RBFOX1: variants seen among roughly 807,000 people sequenced by gnomAD.
RBFOX1 encodes RNA binding protein fox-1 homolog 1.
Under a neutral mutation model 57.7 loss-of-function variants are expected in RBFOX1, and 8 were observed. The observed-to-expected ratio is 0.14, with a 90% CI of 0.08 to 0.25. The LOEUF (loss-of-function observed/expected upper bound fraction) is 0.25, where lower values mean the gene tolerates loss of function less well. Ranked by LOEUF, RBFOX1 falls within the 10% of genes least tolerant of loss-of-function variation. The pLI, the probability that RBFOX1 is intolerant of heterozygous loss-of-function variation, is 1.00. For missense variants in RBFOX1, 611 were observed against 548.5 expected, an observed-to-expected ratio of 1.11 and a Z score of -1.14; for synonymous variants, 326 against 222.4, an observed-to-expected ratio of 1.47 and a Z score of -4.15.
intron 3 of RBFOX1, among the ~76,000 whole-genome samples, chr16:5,672,851 G>A (rs1033917351): frequency 1.6e-4 from 11 of 70,636 alleles, no homozygotes; most frequent in East Asian, 1.3e-3. Flanking sequence ...ATCCTTCACC[G>A]TAGGTGTGTG....
Position 7,557,786 on chromosome 16 carries a change from G to C in RBFOX1, c.271-21991G>C, listed in dbSNP as rs926591346. Among the ~76,000 whole-genome samples the C allele has an allele frequency of 2.0e-5, 3 of 152,160 alleles. No homozygotes were observed. In the South Asian group the frequency reaches 6.2e-4, roughly 32 times the overall value. ...GTAAATGCTTAACAACTAGCTTGGT[G>C]GGGGAAGGAGCGGGAGAGGGCTCCA... On this transcript the variant is annotated intron_variant, in intron 5 of 15. Coordinates refer to ENST00000550418, the MANE Select transcript of RBFOX1 (RefSeq NM_018723.4).
chr16:6,793,470 G>A (rs951402018), intron 3 of RBFOX1, among the ~76,000 whole-genome samples: 2 of 152,124 alleles, frequency 1.3e-5, no homozygotes, highest in Non-Finnish European at 2.9e-5. Flanking sequence ...CAGTGTCTCA[G>A]TGGACATTGT....
chr16:5,820,923 C>CA (rs2055828222), intron 3 of RBFOX1, among the ~76,000 whole-genome samples: 1 of 152,178 alleles, frequency 6.6e-6, no homozygotes, highest in Non-Finnish European at 1.5e-5. Flanking sequence ...CACAATGCCA[C>CA]ACGTTTAAGG....
intron 3 of RBFOX1, among the ~76,000 whole-genome samples, chr16:7,041,067 C>T (rs1021902218): frequency 1.1e-4 from 16 of 148,780 alleles, no homozygotes; most frequent in African/African-American, 4.0e-4. Flanking sequence ...AGGCAAGTGC[C>T]AACACGCCCA....
intron 1 of RBFOX1, among the ~76,000 whole-genome samples, chr16:5,320,718 G>T (rs552270639): frequency 6.6e-6 from 1 of 152,204 alleles, no homozygotes; most frequent in Non-Finnish European, 1.5e-5. Flanking sequence ...TCAGGAGGTG[G>T]CTTGGAGTCT....
At chr16:7,051,522 C>G (rs7205495) in intron 3 of RBFOX1, among the ~76,000 whole-genome samples, 80,611 of 152,092 alleles carry the variant, frequency 0.53, 23,433 homozygotes, top group South Asian at 0.76. Flanking sequence ...ATTGGCTTCA[C>G]AATTCTCCCC....
chr16:5,711,193 T>C (rs1032292836), intron 3 of RBFOX1, among the ~76,000 whole-genome samples: 3 of 152,246 alleles, frequency 2.0e-5, no homozygotes, highest in African/African-American at 7.2e-5. Context: ...GCCCTGTGCA[T>C]GCCATGATTC....
At chr16:7,478,288 A>T (rs975306485) in intron 4 of RBFOX1, among the ~76,000 whole-genome samples, 1 of 152,240 alleles carries the variant, frequency 6.6e-6, no homozygotes, top group Non-Finnish European at 1.5e-5. Flanking sequence ...CAAAGAGGGC[A>T]GAGAGTCACC....
chr16:5,676,530 A>G (rs1257884743), intron 3 of RBFOX1, among the ~76,000 whole-genome samples: 2 of 152,270 alleles, frequency 1.3e-5, no homozygotes, highest in East Asian at 1.9e-4. Context: ...GATAGCAATG[A>G]GTTGTTGTGA....
chr16:5,971,078 G>C lies in RBFOX1; in HGVS notation c.351+103743G>C, dbSNP rs1385600791. 2.6e-5 allele frequency among the ~76,000 whole-genome samples: 4 copies of C among 152,108 alleles called. 1 individual carries two copies. The South Asian group carries it at 8.3e-4, about 32-fold the overall frequency. ...CATGACAGTGTTCCTGTCCCCTTTC[G>C]ATCTTTATCTTTCTTCCTCCCGTAT... On this transcript the variant is annotated intron_variant, in intron 4 of 19. Coordinates refer to the RBFOX1 transcript ENST00000641259.
intron 4 of RBFOX1, among the ~76,000 whole-genome samples, chr16:7,283,522 T>C (rs2095589797): frequency 6.6e-6 from 1 of 152,008 alleles, no homozygotes; most frequent in Non-Finnish European, 1.5e-5. Flanking sequence ...GACACTTCCA[T>C]AACACCTCCC....
At chr16:5,447,561 C>T (rs1038001683) in intron 1 of RBFOX1, among the ~76,000 whole-genome samples, 1 of 152,162 alleles carries the variant, frequency 6.6e-6, no homozygotes, top group Non-Finnish European at 1.5e-5. Context: ...CCACGCCCCC[C>T]TAATTTTTGT....
At chr16:7,090,070 TC>T (rs1287268374) in intron 4 of RBFOX1, among the ~76,000 whole-genome samples, 2 of 152,178 alleles carry the variant, frequency 1.3e-5, no homozygotes, top group African/African-American at 4.8e-5. Context: ...GCTCTTGCCT[TC>T]TAGTCTGTAA....
chr16:5,707,906 A>G (rs1396810894), intron 3 of RBFOX1, among the ~76,000 whole-genome samples: 3 of 152,146 alleles, frequency 2.0e-5, no homozygotes, highest in Middle Eastern at 3.2e-3. Flanking sequence ...ACTTAATACT[A>G]TTTGTAACTT....
intron 3 of RBFOX1, among the ~76,000 whole-genome samples, chr16:6,717,200 T>C (rs2065004187): frequency 1.3e-5 from 2 of 151,880 alleles, no homozygotes; most frequent in Non-Finnish European, 2.9e-5. Context: ...TCGACTAAAA[T>C]GGTGGGGAAA....
intron 4 of RBFOX1, among the ~76,000 whole-genome samples, chr16:7,172,223 A>G (rs981325466): frequency 3.9e-5 from 6 of 152,168 alleles, no homozygotes; most frequent in Non-Finnish European, 8.8e-5. Flanking sequence ...ATTACCTAAA[A>G]TCCACATACT....
chr16:6,530,936 T>C (rs925541606), intron 2 of RBFOX1, among the ~76,000 whole-genome samples: 6 of 152,152 alleles, frequency 3.9e-5, no homozygotes, highest in African/African-American at 1.4e-4. Flanking sequence ...TGTTTCTTGA[T>C]TTGGAAGATC....
intron 1 of RBFOX1, among the ~76,000 whole-genome samples, chr16:5,435,163 C>T (rs185166154): frequency 1.3e-5 from 2 of 152,166 alleles, no homozygotes; most frequent in African/African-American, 4.8e-5. Flanking sequence ...CTGATTCTTC[C>T]CTGTGGTTCC....
rs2095362627 is a variant in RBFOX1 at position 7,273,115 on chromosome 16, T to TCCCTCCCTTTCCTCCTTCCCTCC, written c.27+221018_27+221019insCCTCCCTTTCCTCCTTCCCTCCC. On this transcript the variant is annotated intron_variant, in intron 4 of 15. Transcript: ENST00000550418. ...CCTCCCTCCCTTTCCTCCTTCCCTC[T>TCCCTCCCTTTCCTCCTTCCCTCC]CTCCCTCCCTTTCCTCCTTCCCTGC... is the stretch of plus-strand genomic sequence containing the variant. Among the ~76,000 whole-genome samples, 4 of 77,698 alleles carry TCCCTCCCTTTCCTCCTTCCCTCC rather than the reference T, an allele frequency of 5.1e-5. 1 individual carries two copies. The highest frequency in any genetic ancestry group is 1.5e-4 in the Admixed American group (1 of 6,654). 51.0% of individuals were successfully genotyped at this position (77,698 alleles called of 152,430 possible). A position where few individuals can be genotyped will look rare whatever the true frequency, so the allele number is the denominator to read the frequency against.
Sources: gnomAD v4.1 joint callset for allele counts (sites outside exome capture counted in the v4.1 genomes callset) on GRCh38, gnomAD v4.1.1 for gene constraint, MANE v1.5 for transcripts, NCBI Gene and HGNC (gene_info 2026-07-23, HGNC 2026-07-21) for gene names.